Variants in HSPA14 observed in about 807,000 individuals in gnomAD.
HSPA14 encodes the protein heat shock 70 kDa protein 14.
A neutral mutation model predicts 65.5 loss-of-function variants in HSPA14; 37 were observed. The ratio of observed to expected loss-of-function variants is 0.56; its 90% confidence interval spans 0.43 to 0.74. The LOEUF (loss-of-function observed/expected upper bound fraction) is 0.74, where lower values mean the gene tolerates loss of function less well. Among genes scored for constraint, HSPA14 ranks in the 30% least tolerant of loss-of-function variants. The pLI, the probability that HSPA14 is intolerant of heterozygous loss-of-function variation, is 0.00. For synonymous variants in HSPA14, 203 were observed against 214.2 expected (o/e 0.95, Z 0.46); for missense variants, 564 against 607.6 (o/e 0.93, Z 0.75).
chr10:14,861,207 A>AGACAACTCT (rs1832747404), intron 10 of HSPA14, among the ~76,000 whole-genome samples: 2 of 152,186 alleles, frequency 1.3e-5, no homozygotes, highest in Non-Finnish European at 2.9e-5. Context: ...AAGTTGTGTT[A>AGACAACTCT]CAAGGGCAAT....
intron 10 of HSPA14, among the ~76,000 whole-genome samples, chr10:14,863,823 G>A (rs960773613): frequency 6.6e-5 from 10 of 152,124 alleles, no homozygotes; most frequent in African/African-American, 2.4e-4. Flanking sequence ...CCTTAGAGAT[G>A]AGACATCTCA....
intron 10 of HSPA14, among the ~76,000 whole-genome samples, chr10:14,859,313 T>C (rs1832733007): frequency 6.6e-6 from 1 of 152,204 alleles, no homozygotes; most frequent in Non-Finnish European, 1.5e-5. Context: ...TTCACTTCTG[T>C]GCTTCACCCT....
Position 14,849,745 on chromosome 10 carries a change from C to T in HSPA14, c.401C>T (p.Ser134Leu), listed in dbSNP as rs775563743. The change falls in exon 6 of 14, where the codon TCA becomes TTA. Residue 134 changes from serine to leucine, a missense_variant. Physicochemically the swap from Ser to Leu is moderately radical, Grantham distance 145. Coordinates refer to ENST00000378372, the MANE Select transcript of HSPA14 (RefSeq NM_016299.4). ...MKETAHSVLGSDANDVVITVP... is the reference protein window; with the variant it reads ...MKETAHSVLGLDANDVVITVP... ...GAAACGGCACATTCTGTATTGGGCTCAGATGCAAATGATGTAGTTATTACT... is the reference window on the plus strand; with the variant it reads ...GAAACGGCACATTCTGTATTGGGCTTAGATGCAAATGATGTAGTTATTACT... The T allele has an allele frequency of 3.7e-6, 6 of 1,611,210 alleles. No individual in the cohort carries two copies. The East Asian group carries it at 8.9e-5, about 24-fold the overall frequency.
intron 6 of HSPA14, 46 bp downstream of exon 6, chr10:14,849,857 A>G (rs1401642259): frequency 8.8e-7 from 1 of 1,134,930 alleles, no homozygotes; most frequent in East Asian, 2.3e-5. Flanking sequence ...AAGGAAGTAC[A>G]AAGTCACTAT....
chr10:14,855,163 T>G (rs931057730), intron 9 of HSPA14, among the ~76,000 whole-genome samples: 1 of 152,152 alleles, frequency 6.6e-6, no homozygotes, highest in South Asian at 2.1e-4. Flanking sequence ...TTAGGGAAAT[T>G]TTGCCTTTGT....
Position 14,840,063 on chromosome 10 carries a change from T to C in HSPA14, c.139-12T>C, listed in dbSNP as rs1052518374. Reference sequence around the variant, plus strand: ...TGTAATATATATATATATATATTATTTTTTTTTTCAGATTGTTGGATTGGC... The same window carrying C: ...TGTAATATATATATATATATATTATCTTTTTTTTCAGATTGTTGGATTGGC... On this transcript the variant is annotated splice_polypyrimidine_tract_variant and intron_variant, in intron 2 of 13. Coordinates refer to ENST00000378372, the MANE Select transcript of HSPA14 (RefSeq NM_016299.4). 1.7e-6 allele frequency: 2 copies of C among 1,163,964 alleles called. No individual in the cohort carries two copies. The highest frequency in any genetic ancestry group is 2.2e-6 in the Non-Finnish European group (2 of 908,054). 72.1% of individuals were successfully genotyped at this position (1,163,964 alleles called of 1,614,324 possible).
chr10:14,857,638 T>G (rs1416130018), intron 10 of HSPA14, among the ~76,000 whole-genome samples: 1 of 152,234 alleles, frequency 6.6e-6, no homozygotes, highest in Non-Finnish European at 1.5e-5. Context: ...ATAATCGGAA[T>G]ATTAGCTATC....
At chr10:14,843,741 G>A in intron 3 of HSPA14, 1 of 1,536,820 alleles carries the variant, frequency 6.5e-7, no homozygotes, top group Non-Finnish European at 8.7e-7. Context: ...TTGGTGAGGA[G>A]GCCAGTGCTC....
chr10:14,849,622 A>G (rs879275887), intron 5 of HSPA14, 99 bp from the exon 6 acceptor site: 26 of 980,974 alleles, frequency 2.7e-5, no homozygotes, highest in Non-Finnish European at 3.9e-5. Flanking sequence ...GTATTGGGAA[A>G]TATGTTAAGT....
chr10:14,865,462 C>T (rs1280614059), intron 10 of HSPA14, among the ~76,000 whole-genome samples: 2 of 152,102 alleles, frequency 1.3e-5, no homozygotes, highest in African/African-American at 4.8e-5. Flanking sequence ...TTAGGTCTAA[C>T]ATTTAAGTCT....
intron 3 of HSPA14, chr10:14,846,638 G>T (rs561443530): frequency 1.1e-6 from 1 of 948,016 alleles, no homozygotes; most frequent in African/African-American, 1.8e-5. Context: ...TTTATAAAGT[G>T]GGAAACTCAT....
rs768095784 is a variant in HSPA14 at position 14,871,649 on chromosome 10, C to T, written c.*43C>T. 9.2e-7 allele frequency: 1 copy of T among 1,087,578 alleles called. No individual in the cohort carries two copies. The allele number at this position is 1,087,578 out of a possible 1,614,324, so 67.4% of individuals were successfully genotyped here. On this transcript the variant is annotated 3_prime_UTR_variant, in exon 14 of 14. Transcript: ENST00000378372. ...GAATTTTTAAAAACAAGAATATCAACATTTGGTTTTGTGTATAAGTGGTGT... is the reference window on the plus strand; with the variant it reads ...GAATTTTTAAAAACAAGAATATCAATATTTGGTTTTGTGTATAAGTGGTGT...
rs1834092971 is a variant in HSPA14 at position 14,849,693 on chromosome 10, T to A, written c.377-28T>A. 3 of 1,468,674 alleles carry A rather than the reference T, an allele frequency of 2.0e-6. No individual in the cohort carries two copies. The African/African-American group carries it at 4.2e-5, about 21-fold the overall frequency. The allele number at this position is 1,468,674 out of a possible 1,614,324, so 91.0% of individuals were successfully genotyped here. On this transcript the variant is annotated intron_variant, in intron 5 of 13. Coordinates refer to ENST00000378372, the MANE Select transcript of HSPA14 (RefSeq NM_016299.4). ...TATCACTTGTCATTTTCTTCTGTCA[T>A]CAGAATTTTATATTTTTTAATATGC...
chr10:14,840,119 A>G lies in HSPA14; in HGVS notation c.183A>G (p.Ser61=). 1 of 1,477,162 alleles carries G rather than the reference A, an allele frequency of 6.8e-7. No homozygotes were observed. The highest frequency in any genetic ancestry group is 9.1e-7 in the Non-Finnish European group (1 of 1,103,352). The allele number at this position is 1,477,162 out of a possible 1,614,324, so 91.5% of individuals were successfully genotyped here. A position where few individuals can be genotyped will look rare whatever the true frequency, so the allele number is the denominator to read the frequency against. Residue 61 remains serine, a synonymous_variant, in exon 3 of 14, where the codon TCA becomes TCG. Transcript: ENST00000378372. ...AACAAAGTAGAATAAGAAATATTTC[A>G]AATACAGTAATGAAAGTAAAGCAGA... ...AAKQSRIRNI[S]NTVMKVKQIL...
chr10:14,865,980 T>C (rs1033422809), intron 10 of HSPA14, among the ~76,000 whole-genome samples: 3 of 152,188 alleles, frequency 2.0e-5, no homozygotes, highest in Non-Finnish European at 4.4e-5. Flanking sequence ...TTCTATCCTC[T>C]TTTATTTTGT....
At chr10:14,848,158 T>C (rs970808003) in intron 3 of HSPA14, among the ~76,000 whole-genome samples, 1 of 152,250 alleles carries the variant, frequency 6.6e-6, no homozygotes, top group South Asian at 2.1e-4. Flanking sequence ...ATAGTTTTGC[T>C]CAACCTTTTG....
At chr10:14,860,296 C>A (rs1024146823) in intron 10 of HSPA14, among the ~76,000 whole-genome samples, 1 of 152,166 alleles carries the variant, frequency 6.6e-6, no homozygotes, top group African/African-American at 2.4e-5. Flanking sequence ...ACCTATTCTA[C>A]GCTAGGCAGA....
intron 1 of HSPA14, among the ~76,000 whole-genome samples, chr10:14,839,065 A>AAGCT (rs1025952501): frequency 2.0e-5 from 3 of 152,190 alleles, no homozygotes; most frequent in Non-Finnish European, 2.9e-5. Flanking sequence ...TGGTCCCGCA[A>AAGCT]AGCTGCCTGG....
intron 3 of HSPA14, chr10:14,845,477 G>A: frequency 1.0e-6 from 1 of 985,416 alleles, no homozygotes; most frequent in Non-Finnish European, 1.2e-6. Flanking sequence ...CCAAGCCAGG[G>A]ATGGAGGTGT....
Sources: allele counts gnomAD v4.1 joint callset (sites outside exome capture counted in the v4.1 genomes callset), GRCh38; gene constraint gnomAD v4.1.1; transcripts MANE v1.5; gene names NCBI Gene and HGNC (gene_info 2026-07-23, HGNC 2026-07-21).